The following OLFM1 variants were observed in gnomAD, a reference collection of about 807,000 sequenced individuals.
OLFM1 encodes the protein olfactomedin 1, also known as noelin.
In OLFM1, 9 loss-of-function variants were observed where a neutral mutation model predicts 49.7. The ratio of observed to expected loss-of-function variants is 0.18; its 90% CI spans 0.11 to 0.32. OLFM1 has a LOEUF of 0.32. Among genes scored for constraint, OLFM1 ranks in the 10% least tolerant of loss-of-function variants. The pLI, the probability that OLFM1 is intolerant of heterozygous loss-of-function variation, is 1.00. For synonymous variants in OLFM1, 240 were observed against 271.8 expected (o/e 0.88, Z 1.15); for missense variants, 369 against 661.8 (o/e 0.56, Z 4.85).
chr9:135,108,725 G>C (rs769377653), intron 5 of OLFM1, among the ~76,000 whole-genome samples: 7 of 152,068 alleles, frequency 4.6e-5, no homozygotes, highest in Non-Finnish European at 1.0e-4. Flanking sequence ...CCTTAATAGC[G>C]GGGGAAGGAC....
rs1830633642 is a variant in OLFM1, at chr9:135,088,521, C to T, written c.150+382C>T. On this transcript the variant is annotated intron_variant, in intron 1 of 5. Coordinates refer to ENST00000371793, the MANE Select transcript of OLFM1 (RefSeq NM_001282611.2). The surrounding 1 kb of genome is among the most constrained non-coding windows in gnomAD (Gnocchi z 4.8). Reference sequence around the variant, plus strand: ...GGACTTGGGGACTTGTCCAAGGTCACACTCAGCGAGTGAGGGGTGGAGCCG... The same window carrying T: ...GGACTTGGGGACTTGTCCAAGGTCATACTCAGCGAGTGAGGGGTGGAGCCG... Among the ~76,000 whole-genome samples, 1 of 152,100 alleles carries T rather than the reference C, an allele frequency of 6.6e-6. No individual in the cohort carries two copies. Among genetic ancestry groups the T allele is most frequent in the Non-Finnish European group, 1.5e-5 (1 of 68,020 alleles).
At chr9:135,087,330 G>A (rs2119096092), upstream of OLFM1, 1 of 1,537,030 alleles carries the variant, frequency 6.5e-7, no homozygotes, top group Non-Finnish European at 8.7e-7. Flanking sequence ...TTGCCCCAAA[G>A]CGGACCCTCT....
chr9:135,089,557 C>T (rs1289794780), intron 1 of OLFM1, among the ~76,000 whole-genome samples: 1 of 152,198 alleles, frequency 6.6e-6, no homozygotes, highest in Admixed American at 6.5e-5. Flanking sequence ...CACCAAATGG[C>T]TCGTGGGGGG....
chr9:135,079,266 G>A (rs1830504193), intron 1 of OLFM1, among the ~76,000 whole-genome samples: 2 of 152,162 alleles, frequency 1.3e-5, no homozygotes, highest in African/African-American at 4.8e-5. Context: ...TCTGGAGAAG[G>A]AGGATATTTG....
rs1403449038 is a variant in OLFM1, at chr9:135,088,668, C to G, written c.150+529C>G. On this transcript the variant is annotated intron_variant, in intron 1 of 5. Coordinates refer to ENST00000371793, the MANE Select transcript of OLFM1 (RefSeq NM_001282611.2). The surrounding 1 kb of genome is among the most constrained non-coding windows in gnomAD (Gnocchi z 4.8). ...AGCCGGTGGGCTCCGGAGCTCCTGCCCGCGCCTGCATTCCCAAAGTCCCAA... is the reference window on the plus strand; with the variant it reads ...AGCCGGTGGGCTCCGGAGCTCCTGCGCGCGCCTGCATTCCCAAAGTCCCAA... Among the ~76,000 whole-genome samples the G allele has an allele frequency of 6.6e-6, 1 of 152,064 alleles. No homozygotes were observed. The highest frequency in any genetic ancestry group is 1.5e-5 in the Non-Finnish European group (1 of 67,994).
Sources: allele counts gnomAD v4.1 joint callset (sites outside exome capture counted in the v4.1 genomes callset), GRCh38; gene constraint gnomAD v4.1.1; non-coding constraint Gnocchi (gnomAD v3.1); transcripts MANE v1.5; gene names NCBI Gene and HGNC (gene_info 2026-07-23, HGNC 2026-07-21).